Variants in XNDC1N observed in about 807,000 individuals in gnomAD.
XNDC1N encodes XRCC1 N-terminal domain containing 1, N-terminal like.
the XNDC1N span, among the ~76,000 whole-genome samples, chr11:71,885,801 A>C: frequency 6.6e-6 from 1 of 151,914 alleles, no homozygotes; most frequent in Non-Finnish European, 1.5e-5. Flanking sequence ...AATTCTTAGG[A>C]GCTAATATTA....
the XNDC1N span, among the ~76,000 whole-genome samples, chr11:71,900,489 G>A: frequency 2.6e-5 from 4 of 152,062 alleles, no homozygotes; most frequent in Non-Finnish European, 4.4e-5. Flanking sequence ...CAAACTGTCC[G>A]CTCAGCAGAC....
chr11:71,892,549 T>G, the XNDC1N span, among the ~76,000 whole-genome samples: 1,301 of 151,960 alleles, frequency 8.6e-3, 12 homozygotes, highest in African/African-American at 0.03. Context: ...CCACTCTACT[T>G]TCAGGAGCAG....
the XNDC1N span, chr11:71,878,381 G>A: frequency 6.4e-7 from 1 of 1,556,906 alleles, no homozygotes; most frequent in Non-Finnish European, 8.8e-7. Context: ...CCTCTTCAGA[G>A]GACTGAATGT....
At chr11:71,908,341 T>C in the XNDC1N span, among the ~76,000 whole-genome samples, 1 of 151,810 alleles carries the variant, frequency 6.6e-6, no homozygotes, top group African/African-American at 2.4e-5. Context: ...TATAATCATG[T>C]ATTGTTATCT....
At chr11:71,910,680 G>T in the XNDC1N span, among the ~76,000 whole-genome samples, 1 of 152,166 alleles carries the variant, frequency 6.6e-6, no homozygotes, top group East Asian at 1.9e-4. Flanking sequence ...ACGTTACCTG[G>T]GATTTACTAT....
At chr11:71,909,889 G>T in the XNDC1N span, among the ~76,000 whole-genome samples, 1 of 152,098 alleles carries the variant, frequency 6.6e-6, no homozygotes, top group East Asian at 1.9e-4. Flanking sequence ...ACCCGGAATG[G>T]GAGTCATTAT....
the XNDC1N span, among the ~76,000 whole-genome samples, chr11:71,893,154 A>AT: frequency 1.3e-5 from 2 of 152,078 alleles, no homozygotes; most frequent in East Asian, 1.9e-4. Context: ...ATTGCATTGT[A>AT]TTTTTTCTGA....
chr11:71,887,763 G>A, the XNDC1N span, among the ~76,000 whole-genome samples: 11 of 152,192 alleles, frequency 7.2e-5, no homozygotes, highest in Admixed American at 1.3e-4. Context: ...CAGGATTTGC[G>A]CTTGCTTCAT....
chr11:71,899,242 G>A, the XNDC1N span, among the ~76,000 whole-genome samples: 1 of 152,126 alleles, frequency 6.6e-6, no homozygotes, highest in Admixed American at 6.5e-5. Context: ...CCCGTCACCT[G>A]TATCACCCTG....
At chr11:71,886,960 G>C in the XNDC1N span, among the ~76,000 whole-genome samples, 5 of 152,176 alleles carry the variant, frequency 3.3e-5, no homozygotes, top group African/African-American at 1.2e-4. Context: ...TGATTGTAAA[G>C]AAATAGGACA....
the XNDC1N span, among the ~76,000 whole-genome samples, chr11:71,896,103 C>A: frequency 6.6e-6 from 1 of 152,186 alleles, no homozygotes; most frequent in Non-Finnish European, 1.5e-5. Context: ...CATGATGAAA[C>A]CCCGTCTCCA....
the XNDC1N span, among the ~76,000 whole-genome samples, chr11:71,895,305 C>G: frequency 1.3e-5 from 2 of 151,342 alleles, no homozygotes; most frequent in East Asian, 3.9e-4. Flanking sequence ...TTCGCATTTT[C>G]TATTTCTTTC....
At chr11:71,896,891 T>C in the XNDC1N span, among the ~76,000 whole-genome samples, 1 of 150,022 alleles carries the variant, frequency 6.7e-6, no homozygotes, top group East Asian at 2.0e-4. Flanking sequence ...TGTTGTCAGT[T>C]GTTGTTTGTT....
At chr11:71,904,648 C>A in the XNDC1N span, among the ~76,000 whole-genome samples, 1 of 152,150 alleles carries the variant, frequency 6.6e-6, no homozygotes, top group South Asian at 2.1e-4. Context: ...TGACCTTTTG[C>A]GCACACTTTG....
the XNDC1N span, among the ~76,000 whole-genome samples, chr11:71,886,707 C>T: frequency 6.6e-6 from 1 of 152,188 alleles, no homozygotes; most frequent in African/African-American, 2.4e-5. Context: ...ACTGCAGAAA[C>T]AGGCTGGGCT....
At chr11:71,914,043 G>A in the XNDC1N span, among the ~76,000 whole-genome samples, 44 of 152,300 alleles carry the variant, frequency 2.9e-4, no homozygotes, top group African/African-American at 9.4e-4. Context: ...GAGCTCTGAT[G>A]GAGATGTACA....
the XNDC1N span, among the ~76,000 whole-genome samples, chr11:71,895,827 G>A: frequency 6.6e-6 from 1 of 152,096 alleles, no homozygotes; most frequent in African/African-American, 2.4e-5. Context: ...AGAAACTGTG[G>A]TATACACACC....
the XNDC1N span, among the ~76,000 whole-genome samples, chr11:71,908,896 A>G: frequency 6.6e-6 from 1 of 152,166 alleles, no homozygotes; most frequent in East Asian, 1.9e-4. Flanking sequence ...TTGGACCCAC[A>G]TGAAAGAGGG....
the XNDC1N span, chr11:71,915,966 T>C: frequency 3.2e-6 from 2 of 619,748 alleles, no homozygotes; most frequent in South Asian, 3.7e-5. Context: ...TGTGTGTGTG[T>C]GTGTGTACGT....
Sources: allele counts gnomAD v4.1 joint callset (sites outside exome capture counted in the v4.1 genomes callset), GRCh38; gene constraint gnomAD v4.1.1; transcripts MANE v1.5; gene names NCBI Gene and HGNC (gene_info 2026-07-23, HGNC 2026-07-21).